The following ADGRB3 variants were observed in gnomAD, a reference collection of about 807,000 sequenced individuals.
ADGRB3 encodes the protein brain-specific angiogenesis inhibitor 3.
Under a neutral mutation model 193.4 loss-of-function variants are expected in ADGRB3, and 37 were observed. The ratio of observed to expected loss-of-function variants is 0.19; its 90% CI spans 0.15 to 0.25. The LOEUF is 0.25. Among genes scored for constraint, ADGRB3 ranks in the 10% least tolerant of loss-of-function variants. The pLI is 1.00. For missense variants in ADGRB3, 1,637 were observed against 1,852.9 expected, an observed-to-expected ratio of 0.88 and a Z score of 2.14; for synonymous variants, 690 against 644.2, an observed-to-expected ratio of 1.07 and a Z score of -1.08.
At chr6:68,867,768 G>A (rs1239593515) in intron 3 of ADGRB3, among the ~76,000 whole-genome samples, 3 of 152,156 alleles carry the variant, frequency 2.0e-5, no homozygotes, top group African/African-American at 7.2e-5. Context: ...GACGTCAAAG[G>A]AGATTATTTT....
intron 3 of ADGRB3, among the ~76,000 whole-genome samples, chr6:68,900,185 CTT>C (rs1048622846): frequency 4.6e-5 from 7 of 151,988 alleles, no homozygotes; most frequent in African/African-American, 9.7e-5. Flanking sequence ...TGAATATACT[CTT>C]ATATTGTTGG....
intron 30 of ADGRB3, among the ~76,000 whole-genome samples, chr6:69,378,885 T>A (rs1280672206): frequency 6.6e-6 from 1 of 152,078 alleles, no homozygotes; most frequent in African/African-American, 2.4e-5. Flanking sequence ...ATATGATGAA[T>A]GTGCTTCATT....
chr6:69,030,409 A>G (rs1273337342), intron 13 of ADGRB3, among the ~76,000 whole-genome samples: 1 of 152,224 alleles, frequency 6.6e-6, no homozygotes, highest in African/African-American at 2.4e-5. Context: ...TGTGGCATAT[A>G]TACAACCATG....
At chr6:68,858,705 G>A (rs1562059822) in intron 3 of ADGRB3, among the ~76,000 whole-genome samples, 1 of 151,992 alleles carries the variant, frequency 6.6e-6, no homozygotes, top group Admixed American at 6.6e-5. Flanking sequence ...TAAGAGAATG[G>A]CTTGGGGCTT....
chr6:68,801,075 G>T (rs1462849631), intron 3 of ADGRB3, among the ~76,000 whole-genome samples: 1 of 152,212 alleles, frequency 6.6e-6, no homozygotes, highest in Admixed American at 6.5e-5. Context: ...GCCTATGTTT[G>T]TAGGCTTAAT....
At chr6:68,662,706 A>G (rs1018702604) in intron 3 of ADGRB3, among the ~76,000 whole-genome samples, 1 of 151,460 alleles carries the variant, frequency 6.6e-6, no homozygotes, top group Non-Finnish European at 1.5e-5. Context: ...AACACAATGT[A>G]TCATCTATAA....
chr6:69,188,219 A>T (rs896680299), intron 17 of ADGRB3, among the ~76,000 whole-genome samples: 1 of 152,132 alleles, frequency 6.6e-6, no homozygotes, highest in African/African-American at 2.4e-5. Context: ...TTTTACCCTG[A>T]TAGGGAAAAG....
At chr6:69,071,127 ATGCAGAATGGT>A (rs1216240005) in intron 16 of ADGRB3, among the ~76,000 whole-genome samples, 1 of 152,160 alleles carries the variant, frequency 6.6e-6, no homozygotes. Flanking sequence ...TAGTAAATGA[ATGCAGAATGGT>A]TGCAGAATGG....
At chr6:68,658,670 A>G (rs1318633372) in intron 3 of ADGRB3, among the ~76,000 whole-genome samples, 1 of 151,300 alleles carries the variant, frequency 6.6e-6, no homozygotes, top group Non-Finnish European at 1.5e-5. Flanking sequence ...ATTAGTATAC[A>G]TATTTATTTA....
chr6:68,818,462 A>G (rs1767678006), intron 3 of ADGRB3, among the ~76,000 whole-genome samples: 1 of 151,956 alleles, frequency 6.6e-6, no homozygotes, highest in African/African-American at 2.4e-5. Context: ...TATGAAAGCA[A>G]TGTTGAAGAA....
chr6:68,678,837 A>G (rs769365590), intron 3 of ADGRB3, among the ~76,000 whole-genome samples: 133 of 152,308 alleles, frequency 8.7e-4, no homozygotes, highest in Non-Finnish European at 1.6e-3. Context: ...GAATTTAATA[A>G]TTAAAATAAT....
At chr6:68,889,647 T>C (rs1766017057) in intron 3 of ADGRB3, among the ~76,000 whole-genome samples, 1 of 151,820 alleles carries the variant, frequency 6.6e-6, no homozygotes, top group Admixed American at 6.6e-5. Context: ...GGACTACAGG[T>C]GTCCGCCACC....
chr6:69,214,141 TAGAGG>T (rs1337991660), intron 17 of ADGRB3, among the ~76,000 whole-genome samples: 1 of 151,736 alleles, frequency 6.6e-6, no homozygotes, highest in Non-Finnish European at 1.5e-5. Context: ...CATGCAGGGG[TAGAGG>T]AGAGGAACAA....
At position 69,389,016 on chromosome 6, in the gene ADGRB3, T is replaced by A. The variant is rs1195273764; in HGVS notation, c.*125T>A. 4 of 962,058 alleles carry A rather than the reference T, an allele frequency of 4.2e-6. No individual in the cohort carries two copies. The highest frequency in any genetic ancestry group is 5.8e-5 in the Admixed American group (2 of 34,354). 59.6% of individuals were successfully genotyped at this position (962,058 alleles called of 1,614,324 possible). ...TGTCAGGACCTTCATGTGCCAAACG[T>A]CAGTGGTGTTTTCATATGGTAACTT... On this transcript the variant is annotated 3_prime_UTR_variant, in exon 32 of 32. Transcript: ENST00000370598.
intron 3 of ADGRB3, among the ~76,000 whole-genome samples, chr6:68,692,623 G>C (rs1407074528): frequency 6.6e-6 from 1 of 151,744 alleles, no homozygotes; most frequent in Non-Finnish European, 1.5e-5. Flanking sequence ...ACATTTACTA[G>C]CAATGTTCAA....
At chr6:69,012,379 G>A (rs1316791820) in intron 11 of ADGRB3, among the ~76,000 whole-genome samples, 1 of 151,850 alleles carries the variant, frequency 6.6e-6, no homozygotes, top group African/African-American at 2.4e-5. Context: ...GCATGTACAG[G>A]GATAAAACCT....
At chr6:68,815,284 A>G (rs1767607869) in intron 3 of ADGRB3, among the ~76,000 whole-genome samples, 1 of 152,138 alleles carries the variant, frequency 6.6e-6, no homozygotes, top group African/African-American at 2.4e-5. Context: ...TGTTTATAGT[A>G]CTCACAAACT....
intron 16 of ADGRB3, 73 bp downstream of exon 16, chr6:69,063,109 C>G (rs1384606738): frequency 9.1e-7 from 1 of 1,096,326 alleles, no homozygotes; most frequent in African/African-American, 1.6e-5. Context: ...CAACTGATAA[C>G]ACCAGAATAC....
At position 68,993,906 on chromosome 6, in the gene ADGRB3, A is replaced by C. The variant is rs1306536362; in HGVS notation, c.1873A>C (p.Asn625His). Residue 625 changes from asparagine to histidine, a missense_variant, in exon 11 of 32, where the codon AAT (asparagine) becomes CAT (histidine). Asn to His is a moderately conservative substitution (Grantham distance 68). Transcript: ENST00000370598. Reference protein sequence around the residue: ...DLLMSVEILRNVTDTFKRASY... With the variant: ...DLLMSVEILRHVTDTFKRASY... ...TCTGATGTCTGTGGAGATCCTGAGA[A>C]ATGTGACAGACACATTTAAAAGGGC... The C allele has an allele frequency of 1.2e-6, 2 of 1,613,908 alleles. 1 individual carries two copies. The highest frequency in any genetic ancestry group is 2.2e-5 in the South Asian group (2 of 91,066).
Sources: gnomAD v4.1 joint callset for allele counts (sites outside exome capture counted in the v4.1 genomes callset) on GRCh38, gnomAD v4.1.1 for gene constraint, MANE v1.5 for transcripts, NCBI Gene and HGNC (gene_info 2026-07-23, HGNC 2026-07-21) for gene names.